The following MTHFS variants were observed in gnomAD, a reference collection of about 807,000 sequenced individuals.
The protein encoded by MTHFS is methenyltetrahydrofolate synthetase.
MTHFS carries 7 observed loss-of-function variants against 12.7 expected under a neutral mutation model. That is an observed-to-expected ratio of 0.55 (90% CI 0.31 to 1.03). The LOEUF (loss-of-function observed/expected upper bound fraction) is 1.03. Among genes scored for constraint, MTHFS ranks in the 50% least tolerant of loss-of-function variants. MTHFS has a pLI of 0.05. For synonymous variants in MTHFS, 100 were observed against 97.1 expected (o/e 1.03, Z -0.18); for missense variants, 252 against 258.1 (o/e 0.98, Z 0.16).
intron 2 of MTHFS, among the ~76,000 whole-genome samples, chr15:79,846,097 G>A (rs2033610228): frequency 6.6e-6 from 1 of 152,214 alleles, no homozygotes; most frequent in African/African-American, 2.4e-5. Flanking sequence ...AACTGGCTAT[G>A]ACATTATCAG....
intron 1 of MTHFS, among the ~76,000 whole-genome samples, chr15:79,895,637 A>G (rs1159439251): frequency 4.6e-5 from 7 of 152,256 alleles, no homozygotes; most frequent in African/African-American, 1.7e-4. Flanking sequence ...TCCTCATAAT[A>G]GCTAAAATAA....
chr15:79,862,183 T>G (rs992010590), intron 2 of MTHFS, among the ~76,000 whole-genome samples: 1 of 152,156 alleles, frequency 6.6e-6, no homozygotes, highest in Non-Finnish European at 1.5e-5. Flanking sequence ...TCCCTGTTTT[T>G]CATTCAAAGA....
chr15:79,894,303 C>T (rs1213271089), intron 1 of MTHFS, among the ~76,000 whole-genome samples: 1 of 151,942 alleles, frequency 6.6e-6, no homozygotes, highest in African/African-American at 2.4e-5. Flanking sequence ...ATCGCTTGAA[C>T]GTGGGAGGCA....
chr15:79,882,729 C>T (rs368009103), intron 2 of MTHFS, among the ~76,000 whole-genome samples: 5 of 152,284 alleles, frequency 3.3e-5, no homozygotes, highest in African/African-American at 9.6e-5. Context: ...GCTTCCATGC[C>T]AACTCACAGC....
intron 2 of MTHFS, among the ~76,000 whole-genome samples, chr15:79,850,166 T>C (rs1052057352): frequency 4.6e-5 from 7 of 152,224 alleles, no homozygotes; most frequent in African/African-American, 1.7e-4. Context: ...TAGGATACCT[T>C]TCTATTTTTT....
chr15:79,847,359 A>G (rs1315001780), intron 2 of MTHFS, among the ~76,000 whole-genome samples: 1 of 152,106 alleles, frequency 6.6e-6, no homozygotes, highest in Non-Finnish European at 1.5e-5. Context: ...ACAACAGCAA[A>G]AAACCAAATA....
At chr15:79,854,347 G>T (rs1229829960) in intron 2 of MTHFS, among the ~76,000 whole-genome samples, 1 of 152,192 alleles carries the variant, frequency 6.6e-6, no homozygotes, top group East Asian at 1.9e-4. Context: ...GGAGGGCATG[G>T]TTATAAGAAC....
At chr15:79,888,063 A>AT (rs2034410558) in intron 2 of MTHFS, among the ~76,000 whole-genome samples, 1 of 152,194 alleles carries the variant, frequency 6.6e-6, no homozygotes, top group East Asian at 1.9e-4. Context: ...CTTAGTCAAA[A>AT]ATATACACCT....
Position 79,845,399 on chromosome 15 carries a change from T to C in MTHFS, c.423A>G (p.Lys141=), listed in dbSNP as rs143111680. Reference sequence around the variant, plus strand: ...TGCCCCTCCCCAGTCGGTTGCCATGTTTGTCAAACCCAAGGCCTGGCATGA... The same window carrying C: ...TGCCCCTCCCCAGTCGGTTGCCATGCTTGTCAAACCCAAGGCCTGGCATGA... The part of the protein sequence containing the change: ...LIFMPGLGFD[K]HGNRLGRGKG... Residue 141 remains lysine, a synonymous_variant, in exon 3 of 3, where the codon AAA becomes AAG. Transcript: ENST00000258874. 2.5e-6 allele frequency: 4 copies of C among 1,614,062 alleles called. No individual in the cohort carries two copies. In the African/African-American group the frequency reaches 5.3e-5, roughly 22 times the overall value.
chr15:79,881,155 G>T (rs2141369902), intron 2 of MTHFS, among the ~76,000 whole-genome samples: 1 of 152,204 alleles, frequency 6.6e-6, no homozygotes, highest in East Asian at 1.9e-4. Context: ...CTCAATTAAG[G>T]TGATAAAATA....
chr15:79,853,627 C>T lies in MTHFS; in HGVS notation c.380-8185G>A, dbSNP rs903360419. ...AGTCATAATACTAACACTACAAGAG[C>T]TATCATGCAGATTTCCTATCAGCCC... On this transcript the variant is annotated intron_variant, in intron 2 of 2. Coordinates refer to ENST00000258874, the MANE Select transcript of MTHFS (RefSeq NM_006441.4). Among the ~76,000 whole-genome samples the T allele has an allele frequency of 2.7e-4, 41 of 152,310 alleles. 1 individual carries two copies. The highest frequency in any genetic ancestry group is 2.7e-3 in the Admixed American group (41 of 15,292).
chr15:79,886,118 G>C (rs1180515829), intron 2 of MTHFS, among the ~76,000 whole-genome samples: 1 of 152,174 alleles, frequency 6.6e-6, no homozygotes, highest in East Asian at 1.9e-4. Flanking sequence ...TTTTTGCTTA[G>C]GAACTTATAA....
chr15:79,886,864 T>C (rs1192604877), intron 2 of MTHFS, among the ~76,000 whole-genome samples: 1 of 152,228 alleles, frequency 6.6e-6, no homozygotes, highest in Non-Finnish European at 1.5e-5. Flanking sequence ...GTTTATCTTA[T>C]AATGAATAAT....
intron 2 of MTHFS, among the ~76,000 whole-genome samples, chr15:79,872,020 G>A (rs1050954581): frequency 9.9e-5 from 14 of 141,720 alleles, no homozygotes; most frequent in Admixed American, 5.4e-4. Flanking sequence ...CAGGAGAATC[G>A]CTTGAACCCA....
At chr15:79,896,761 G>T (rs75958782) in intron 1 of MTHFS, 111 bp downstream of exon 1, 276,873 of 1,445,274 alleles carry the variant, frequency 0.19, 28,001 homozygotes, top group East Asian at 0.36. Context: ...CGGGGGGTGG[G>T]GGGGCGCCTA....
intron 2 of MTHFS, among the ~76,000 whole-genome samples, chr15:79,860,863 G>A (rs998453709): frequency 6.6e-6 from 1 of 152,168 alleles, no homozygotes; most frequent in African/African-American, 2.4e-5. Context: ...AAAGGGGTAT[G>A]TTTCCTTCTG....
intron 2 of MTHFS, among the ~76,000 whole-genome samples, chr15:79,865,651 C>G (rs766572653): frequency 6.6e-6 from 1 of 152,144 alleles, no homozygotes; most frequent in African/African-American, 2.4e-5. Flanking sequence ...AGCCCTCATC[C>G]CTGCTTACCC....
intron 2 of MTHFS, among the ~76,000 whole-genome samples, chr15:79,867,817 T>G (rs1267228266): frequency 6.6e-6 from 1 of 152,192 alleles, no homozygotes; most frequent in East Asian, 1.9e-4. Flanking sequence ...AATCTAAAGT[T>G]CTTTTTTAAA....
chr15:79,861,489 T>C (rs1441632203), intron 2 of MTHFS, among the ~76,000 whole-genome samples: 1 of 152,242 alleles, frequency 6.6e-6, no homozygotes, highest in Non-Finnish European at 1.5e-5. Context: ...CATACTCTCA[T>C]GTGTTGGTGA....
Sources: gnomAD v4.1 joint callset for allele counts (sites outside exome capture counted in the v4.1 genomes callset) on GRCh38, gnomAD v4.1.1 for gene constraint, MANE v1.5 for transcripts, NCBI Gene and HGNC (gene_info 2026-07-23, HGNC 2026-07-21) for gene names.